Variants in PRIM2 observed in about 807,000 individuals in gnomAD.
PRIM2 encodes the protein DNA primase subunit 2, also known as DNA primase large subunit.
A neutral mutation model predicts 67.3 loss-of-function variants in PRIM2; 39 were observed. The ratio of observed to expected loss-of-function variants is 0.58; its 90% CI spans 0.45 to 0.76. PRIM2 has a LOEUF of 0.76. Ranked by LOEUF, PRIM2 falls within the 30% of genes least tolerant of loss-of-function variation. The pLI is 0.00. For synonymous variants in PRIM2, 143 were observed against 198.7 expected, an observed-to-expected ratio of 0.72 and a Z score of 2.36; for missense variants, 398 against 598.7, an observed-to-expected ratio of 0.66 and a Z score of 3.50.
intron 13 of PRIM2, among the ~76,000 whole-genome samples, chr6:57,637,143 C>T (rs1777136140): frequency 6.6e-6 from 1 of 152,154 alleles, no homozygotes; most frequent in Admixed American, 6.5e-5. Context: ...CAACAAACTC[C>T]AGCAGACCTG....
intron 7 of PRIM2, among the ~76,000 whole-genome samples, chr6:57,396,829 C>T (rs1402227770): frequency 6.6e-6 from 1 of 152,154 alleles, no homozygotes; most frequent in Non-Finnish European, 1.5e-5. Flanking sequence ...AGATTTAGAG[C>T]TCCTTTTAGC....
At chr6:57,272,633 G>C in the PRIM2 span, among the ~76,000 whole-genome samples, 1 of 152,168 alleles carries the variant, frequency 6.6e-6, no homozygotes, top group Non-Finnish European at 1.5e-5. Flanking sequence ...TACATTCAAA[G>C]TTAATATTGT....
At chr6:57,458,109 T>G (rs1213382260) in intron 7 of PRIM2, among the ~76,000 whole-genome samples, 1 of 152,352 alleles carries the variant, frequency 6.6e-6, no homozygotes, top group East Asian at 1.9e-4. Context: ...AGCTAACTTA[T>G]GTTGAAATAA....
chr6:57,423,994 T>C (rs1037472075), intron 7 of PRIM2, among the ~76,000 whole-genome samples: 1 of 152,224 alleles, frequency 6.6e-6, no homozygotes, highest in Non-Finnish European at 1.5e-5. Context: ...ATGACATTCT[T>C]GCTTTTAATT....
At chr6:57,287,469 T>C in the PRIM2 span, among the ~76,000 whole-genome samples, 2 of 152,238 alleles carry the variant, frequency 1.3e-5, no homozygotes, top group African/African-American at 4.8e-5. Flanking sequence ...GGGACATGGA[T>C]GAAGCTGGAA....
intron 10 of PRIM2, among the ~76,000 whole-genome samples, chr6:57,565,551 A>G (rs1445497117): frequency 6.6e-6 from 1 of 151,974 alleles, no homozygotes. Flanking sequence ...GTGGTCAGGC[A>G]GACAGGAGAA....
upstream of PRIM2, among the ~76,000 whole-genome samples, chr6:57,310,338 G>C (rs367703784): frequency 4.2e-3 from 634 of 152,298 alleles, 5 homozygotes; most frequent in African/African-American, 0.015. Context: ...AGTTGACACA[G>C]CACATGTTTC....
intron 7 of PRIM2, among the ~76,000 whole-genome samples, chr6:57,494,316 T>C (rs1452754812): frequency 6.6e-6 from 1 of 152,214 alleles, no homozygotes; most frequent in African/African-American, 2.4e-5. Context: ...AATAGCTACA[T>C]TGTTTTTTAA....
the PRIM2 span, among the ~76,000 whole-genome samples, chr6:57,248,452 C>G: frequency 6.6e-6 from 1 of 152,156 alleles, no homozygotes; most frequent in Admixed American, 6.5e-5. Flanking sequence ...ACAAAATGCA[C>G]AAACAAAGCA....
At chr6:57,517,511 C>T (rs1774510904) in intron 8 of PRIM2, among the ~76,000 whole-genome samples, 1 of 152,044 alleles carries the variant, frequency 6.6e-6, no homozygotes, top group African/African-American at 2.4e-5. Context: ...TACTAAAGAA[C>T]TGAATTTTAA....
intron 7 of PRIM2, among the ~76,000 whole-genome samples, chr6:57,396,222 C>G (rs1770508873): frequency 6.6e-6 from 1 of 152,114 alleles, no homozygotes; most frequent in Non-Finnish European, 1.5e-5. Flanking sequence ...GACTTTCTGT[C>G]TTGATGACCT....
chr6:57,274,943 A>ATTTT, the PRIM2 span, among the ~76,000 whole-genome samples: 17,360 of 137,170 alleles, frequency 0.13, 1,219 homozygotes, highest in East Asian at 0.2. Context: ...CACCTGGCTA[A>ATTTT]TTTTTTTTTT....
chr6:57,555,524 C>T (rs1255474950), intron 10 of PRIM2, among the ~76,000 whole-genome samples: 6 of 152,210 alleles, frequency 3.9e-5, no homozygotes, highest in Non-Finnish European at 8.8e-5. Context: ...AAGTGATCCA[C>T]CCGCCTCGGC....
Position 57,545,480 on chromosome 6 carries a change from G to C in PRIM2, c.1020+7855G>C, listed in dbSNP as rs1197903326. 3.9e-3 allele frequency among the ~76,000 whole-genome samples: 599 copies of C among 152,232 alleles called. 3 individuals are homozygous for C. The highest frequency in any genetic ancestry group is 0.014 in the African/African-American group (564 of 41,532). ...AGTTTCGCTCTTGTTGCCCAGGCTG[G>C]AGTGCAGTGGCGTGATCTCAGCTCA... On this transcript the variant is annotated intron_variant, in intron 10 of 13. Transcript: ENST00000615550.
At position 57,546,605 on chromosome 6, in the gene PRIM2, ACTTAGGCTT is replaced by A. The variant is rs1273164945; in HGVS notation, c.1020+8981_1020+8989del. On this transcript the variant is annotated intron_variant, in intron 10 of 13. Coordinates refer to ENST00000615550, the MANE Select transcript of PRIM2 (RefSeq NM_000947.5). ...TAATTCTTCCATTTATTACTCATTC[ACTTAGGCTT>A]TTTATTACCTGTTTTTGGGATTGTT... 5.9e-4 allele frequency among the ~76,000 whole-genome samples: 89 copies of A among 152,128 alleles called. No homozygotes were observed. The East Asian group carries it at 0.016, about 27-fold the overall frequency.
rs1772180529 is a variant in PRIM2 at position 57,440,827 on chromosome 6, G to A, written c.693+58659G>A. 2.0e-5 allele frequency among the ~76,000 whole-genome samples: 3 copies of A among 152,166 alleles called. No homozygotes were observed. The South Asian group carries it at 6.2e-4, about 32-fold the overall frequency. On this transcript the variant is annotated intron_variant, in intron 7 of 13. Coordinates refer to ENST00000615550, the MANE Select transcript of PRIM2 (RefSeq NM_000947.5). ...TCTCTGTCTAAATCTTTTCCCTATA[G>A]AATTTCCTACAGACAAATCTTGAAG...
At chr6:57,272,201 T>C in the PRIM2 span, among the ~76,000 whole-genome samples, 1 of 152,158 alleles carries the variant, frequency 6.6e-6, no homozygotes, top group African/African-American at 2.4e-5. Flanking sequence ...TTCTGTCTCG[T>C]TGATCTTTCT....
chr6:57,322,329 G>A (rs1009666663), intron 3 of PRIM2, among the ~76,000 whole-genome samples: 4 of 152,086 alleles, frequency 2.6e-5, no homozygotes, highest in East Asian at 1.9e-4. Flanking sequence ...AATGGGTTGC[G>A]GGGTTTAGGT....
intron 12 of PRIM2, 47 bp downstream of exon 12, chr6:57,606,504 T>C: frequency 6.9e-7 from 1 of 1,451,950 alleles, no homozygotes; most frequent in South Asian, 1.2e-5. Flanking sequence ...AGGCCTTAGA[T>C]AGATCTCTCG....
Sources: allele counts gnomAD v4.1 joint callset (sites outside exome capture counted in the v4.1 genomes callset), GRCh38; gene constraint gnomAD v4.1.1; transcripts MANE v1.5; gene names NCBI Gene and HGNC (gene_info 2026-07-23, HGNC 2026-07-21).